PAM16: variants seen among roughly 807,000 people sequenced by gnomAD.
PAM16 encodes the protein mitochondrial import inner membrane translocase subunit TIM16.
A neutral mutation model predicts 17.9 loss-of-function variants in PAM16; 11 were observed. The observed-to-expected ratio is 0.62, with a 90% CI of 0.39 to 1.02. The LOEUF (loss-of-function observed/expected upper bound fraction) is 1.02, where lower values mean the gene tolerates loss of function less well. Ranked by LOEUF, PAM16 falls within the 50% of genes least tolerant of loss-of-function variation. PAM16 has a pLI of 0.01. For missense variants in PAM16, 199 were observed against 165.4 expected (o/e 1.20, Z -1.11); for synonymous variants, 72 against 67.4 (o/e 1.07, Z -0.34).
intron 1 of PAM16, among the ~76,000 whole-genome samples, chr16:4,344,480 G>C (rs865793142): frequency 7.2e-6 from 1 of 138,958 alleles, no homozygotes; most frequent in African/African-American, 2.8e-5. Context: ...AGGGGGTTCT[G>C]TGAGAGGAGG....
intron 3 of PAM16, 112 bp from the exon 4 acceptor site, chr16:4,341,097 G>T: frequency 1.4e-6 from 2 of 1,383,674 alleles, no homozygotes; most frequent in Non-Finnish European, 2.0e-6. Context: ...CACCCTGTGT[G>T]CCACACCCAG....
At chr16:4,347,577 G>A (rs1253450813) in intron 1 of PAM16, 2 of 152,416 alleles carry the variant, frequency 1.3e-5, no homozygotes, top group African/African-American at 4.8e-5. Context: ...GTGCAGGCAA[G>A]CCCCTCATCC....
At chr16:4,350,910 G>A (rs541392916) in intron 1 of PAM16, 4 of 261,934 alleles carry the variant, frequency 1.5e-5, no homozygotes, top group South Asian at 1.7e-4. Flanking sequence ...GCGCTGTAAG[G>A]TTCCAGGGCA....
rs1186022658 is a variant in PAM16 at position 4,343,929 on chromosome 16, AC to A, written c.4-639del. On this transcript the variant is annotated intron_variant, in intron 1 of 4. Coordinates refer to ENST00000318059, the MANE Select transcript of PAM16 (RefSeq NM_016069.11). Reference sequence around the variant, plus strand: ...CGTTCATTTGTGCAGCCATTGGTTCACCCATTCATTCAAACATCTGCTGAGA... The same window carrying A: ...CGTTCATTTGTGCAGCCATTGGTTCACCATTCATTCAAACATCTGCTGAGA... The A allele has an allele frequency of 1.0e-5, 4 of 397,874 alleles. No homozygotes were observed. The East Asian group carries it at 1.4e-4, about 14-fold the overall frequency. The allele number at this position is 397,874 out of a possible 1,614,324, so 24.6% of individuals were successfully genotyped here.
At chr16:4,340,447 G>A (rs199523158) in intron 4 of PAM16, 42 bp from the exon 5 acceptor site, 54 of 1,596,310 alleles carry the variant, frequency 3.4e-5, no homozygotes, top group African/African-American at 9.4e-5. Context: ...CCAAGCCTCC[G>A]CCCCATACCC....
At chr16:4,341,707 G>A (rs1033381674) in intron 2 of PAM16, 5 of 829,458 alleles carry the variant, frequency 6.0e-6, no homozygotes, top group Admixed American at 2.9e-5. Flanking sequence ...CTCACTGGAG[G>A]GTAAGGGCAG....
chr16:4,342,721 C>CTT (rs1002599257), intron 2 of PAM16, among the ~76,000 whole-genome samples: 1 of 151,974 alleles, frequency 6.6e-6, no homozygotes, highest in African/African-American at 2.4e-5. Flanking sequence ...AATCCCAGCA[C>CTT]TTTGAGGCAG....
Position 4,341,566 on chromosome 16 carries a change from C to T in PAM16, c.89-62G>A, listed in dbSNP as rs55845901. The stretch of plus-strand genomic sequence containing the variant: ...AGCCCACACTTCACCCTGGGCCTTC[C>T]GAGTTGGTGGCTCACCCCTGCCACC... On this transcript the variant is annotated intron_variant, in intron 2 of 4. Coordinates refer to ENST00000318059, the MANE Select transcript of PAM16 (RefSeq NM_016069.11). 9,082 of 1,525,456 alleles carry T rather than the reference C, an allele frequency of 6.0e-3. 469 individuals are homozygous for T. In the African/African-American group the frequency reaches 0.11, roughly 18 times the overall value. 94.5% of individuals were successfully genotyped at this position (1,525,456 alleles called of 1,614,324 possible).
At chr16:4,343,352 C>T (rs1008407889) in intron 1 of PAM16, 61 bp from the exon 2 acceptor site, 4 of 1,547,556 alleles carry the variant, frequency 2.6e-6, no homozygotes, top group Non-Finnish European at 3.5e-6. Flanking sequence ...AGAGATGGGC[C>T]CTGGAAACGG....
chr16:4,343,896 G>A, intron 1 of PAM16: 1 of 397,942 alleles, frequency 2.5e-6, no homozygotes, highest in Non-Finnish European at 4.4e-6. Flanking sequence ...ATGAGGGAGA[G>A]TCAGGCTCGT....
chr16:4,345,922 C>T (rs749656706), intron 1 of PAM16: 43 of 985,090 alleles, frequency 4.4e-5, no homozygotes, highest in Non-Finnish European at 4.7e-5. Context: ...TCTCAGACTA[C>T]CCCTCACACC....
intron 2 of PAM16, chr16:4,341,753 C>G (rs557704685): frequency 1.7e-6 from 1 of 586,512 alleles, no homozygotes; most frequent in South Asian, 2.3e-5. Context: ...GGTCCCCAAC[C>G]TAGACCATGA....
In PAM16 at chr16:4,341,410, C is replaced by G; in HGVS notation, c.183G>C (p.Gln61His). 2 of 1,599,774 alleles carry G rather than the reference C, an allele frequency of 1.3e-6. No individual in the cohort carries two copies. Residue 61 changes from glutamine (Q) to histidine (H), a missense_variant, in exon 3 of 5, where the codon CAG becomes CAC. Physicochemically the swap from Gln to His is conservative, Grantham distance 24. Coordinates refer to ENST00000318059, the MANE Select transcript of PAM16 (RefSeq NM_016069.11). ...LSGLSLQEAQ[Q>H]ILNVSKLSPE... ...GGCTCAGCTTGGACACGTTGAGAATCTGCTGTGCCTCCTGGAGGCTGAGGC... is the reference window on the plus strand; with the variant it reads ...GGCTCAGCTTGGACACGTTGAGAATGTGCTGTGCCTCCTGGAGGCTGAGGC...
rs961274455 is a variant in PAM16 at position 4,350,985 on chromosome 16, G to A, written c.3+247C>T. ...CCCACGGCTGCTCGCTCACACGCGG[G>A]CTAGGCACAGCGCGACCACGTTTGC... On this transcript the variant is annotated intron_variant, in intron 1 of 4. Coordinates refer to ENST00000318059, the MANE Select transcript of PAM16 (RefSeq NM_016069.11). 3.5e-5 allele frequency: 11 copies of A among 312,746 alleles called. No homozygotes were observed. In the South Asian group the frequency reaches 1.7e-3, roughly 49 times the overall value. The allele number at this position is 312,746 out of a possible 1,614,324, so 19.4% of individuals were successfully genotyped here. A position where few individuals can be genotyped will look rare whatever the true frequency, so the allele number is the denominator to read the frequency against.
intron 4 of PAM16, 99 bp downstream of exon 4, chr16:4,340,821 A>T: frequency 6.8e-7 from 1 of 1,467,390 alleles, no homozygotes; most frequent in Non-Finnish European, 9.5e-7. Flanking sequence ...TCTGTGTGCC[A>T]AGCCCTTAGC....
intron 1 of PAM16, among the ~76,000 whole-genome samples, chr16:4,345,025 T>C (rs2053732898): frequency 6.6e-6 from 1 of 151,774 alleles, no homozygotes; most frequent in African/African-American, 2.4e-5. Flanking sequence ...TGGGAAAGAC[T>C]GGGAATCTGG....
intron 2 of PAM16, among the ~76,000 whole-genome samples, chr16:4,341,916 C>G (rs1444261190): frequency 2.0e-5 from 3 of 152,204 alleles, no homozygotes; most frequent in Non-Finnish European, 4.4e-5. Context: ...AAAGCCACTG[C>G]CTTGGGTGAC....
chr16:4,342,642 GA>G (rs2053666855), intron 2 of PAM16, among the ~76,000 whole-genome samples: 1 of 150,640 alleles, frequency 6.6e-6, no homozygotes, highest in Non-Finnish European at 1.5e-5. Flanking sequence ...CAACAAGAGC[GA>G]AAACTCCGTC....
rs773031385 is a variant in PAM16 at position 4,351,213 on chromosome 16, C to T, written c.3+19G>A. On this transcript the variant is annotated intron_variant, in intron 1 of 4. Transcript: ENST00000318059. ...CGACTCGGCTTCCCCTCCCCGGTAG[C>T]GCCCGACTCGGGGCTCACCATGGCA... 2 of 1,401,834 alleles carry T rather than the reference C, an allele frequency of 1.4e-6. No individual in the cohort carries two copies. The highest frequency in any genetic ancestry group is 1.9e-6 in the Non-Finnish European group (2 of 1,065,262). The allele number at this position is 1,401,834 out of a possible 1,614,324, so 86.8% of individuals were successfully genotyped here. A position where few individuals can be genotyped will look rare whatever the true frequency, so the allele number is the denominator to read the frequency against.
Sources: allele counts gnomAD v4.1 joint callset (sites outside exome capture counted in the v4.1 genomes callset), GRCh38; gene constraint gnomAD v4.1.1; transcripts MANE v1.5; gene names NCBI Gene and HGNC (gene_info 2026-07-23, HGNC 2026-07-21).